SLC12A2: variants seen among roughly 807,000 people sequenced by gnomAD.
The protein encoded by SLC12A2 is solute carrier family 12 member 2.
SLC12A2 carries 67 observed loss-of-function variants against 136.3 expected under a neutral mutation model. The ratio of observed to expected loss-of-function variants is 0.49; its 90% CI spans 0.40 to 0.60. SLC12A2 has a LOEUF of 0.60. Ranked by LOEUF, SLC12A2 falls within the 20% of genes least tolerant of loss-of-function variation. SLC12A2 has a pLI of 0.00. For missense variants in SLC12A2, 1,322 were observed against 1,534.7 expected (o/e 0.86, Z 2.32); for synonymous variants, 619 against 562.9 (o/e 1.10, Z -1.41).
Position 128,084,095 on chromosome 5 carries a change from G to A in SLC12A2, c.141G>A (p.Ala47=), listed in dbSNP as rs959960623. The change falls in exon 1 of 27, where the codon GCG becomes GCA. Residue 47 remains alanine, a synonymous_variant. Transcript: ENST00000262461. This position sits in a 1 kb window ranked among gnomAD's most constrained non-coding sequence, Gnocchi z 5.6. ...TAVPSVPEDA[A]PASRDGGGVR... The stretch of plus-strand genomic sequence containing the variant: ...TGCCCTCGGTGCCGGAGGATGCTGC[G>A]CCCGCGAGCCGGGACGGCGGCGGGG... 1 of 1,314,438 alleles carries A rather than the reference G, an allele frequency of 7.6e-7. No individual in the cohort carries two copies. Among genetic ancestry groups the A allele is most frequent in the Non-Finnish European group, 9.7e-7 (1 of 1,035,868 alleles). 81.4% of individuals were successfully genotyped at this position (1,314,438 alleles called of 1,614,324 possible). A position where few individuals can be genotyped will look rare whatever the true frequency, so the allele number is the denominator to read the frequency against.
intron 4 of SLC12A2, among the ~76,000 whole-genome samples, chr5:128,121,118 A>C (rs1385885744): frequency 1.3e-5 from 2 of 152,146 alleles, no homozygotes; most frequent in Non-Finnish European, 2.9e-5. Flanking sequence ...TTAACAGTAC[A>C]TTTTAGAGAT....
intron 16 of SLC12A2, among the ~76,000 whole-genome samples, chr5:128,158,515 C>G (rs973279319): frequency 2.0e-5 from 3 of 152,148 alleles, no homozygotes; most frequent in Non-Finnish European, 4.4e-5. Flanking sequence ...AGCCATGTTT[C>G]TGGAAAGGAA....
chr5:128,084,685 C>A lies in SLC12A2; in HGVS notation c.731C>A (p.Ala244Glu). 1 of 1,604,730 alleles carries A rather than the reference C, an allele frequency of 6.2e-7. No homozygotes were observed. The highest frequency in any genetic ancestry group is 8.5e-7 in the Non-Finnish European group (1 of 1,174,902). The change falls in exon 1 of 27, where the codon GCG becomes GAG. Residue 244 changes from alanine (A) to glutamate (E), a missense_variant. This residue lies in a region of SLC12A2 where 32 missense variants were observed against 63.6 expected (regional missense o/e 0.50). Transcript: ENST00000262461. The surrounding 1 kb of genome is among the most constrained non-coding windows in gnomAD (Gnocchi z 5.6). ...GAGAAGCTGCTCCGGCCTAGCCTGG[C>A]GGAGCTCCACGACGAGCTGGAAAAG... ...LGEKLLRPSL[A>E]ELHDELEKEP...
chr5:128,110,841 C>T, intron 1 of SLC12A2: 2 of 1,464,104 alleles, frequency 1.4e-6, no homozygotes, highest in African/African-American at 1.4e-5. Context: ...TGGATGATGA[C>T]ATATTCTGTT....
intron 1 of SLC12A2, among the ~76,000 whole-genome samples, chr5:128,103,205 C>T (rs553689221): frequency 1.0e-3 from 156 of 152,214 alleles, no homozygotes; most frequent in African/African-American, 3.4e-3. Context: ...ATATTCTCAC[C>T]GGGATCATAT....
chr5:128,086,617 G>A, intron 1 of SLC12A2, among the ~76,000 whole-genome samples: 1 of 152,120 alleles, frequency 6.6e-6, no homozygotes, highest in Non-Finnish European at 1.5e-5. Context: ...TATGCAACAG[G>A]TACTTTAATT....
At chr5:128,136,782 T>A (rs1762205126) in intron 7 of SLC12A2, among the ~76,000 whole-genome samples, 1 of 152,134 alleles carries the variant, frequency 6.6e-6, no homozygotes, top group Non-Finnish European at 1.5e-5. Flanking sequence ...AACTATACAC[T>A]CTCCCTTGGG....
intron 15 of SLC12A2, among the ~76,000 whole-genome samples, chr5:128,153,607 A>G (rs1762778537): frequency 6.6e-6 from 1 of 152,220 alleles, no homozygotes; most frequent in South Asian, 2.1e-4. Flanking sequence ...AACCATCGGT[A>G]TAAACTTTCT....
chr5:128,117,627 G>T (rs1232090148), intron 4 of SLC12A2, among the ~76,000 whole-genome samples: 1 of 152,106 alleles, frequency 6.6e-6, no homozygotes, highest in East Asian at 1.9e-4. Flanking sequence ...AATTCTAGGA[G>T]ATAACATTGG....
chr5:128,169,419 G>C (rs1561700800), intron 18 of SLC12A2: 1 of 152,026 alleles, frequency 6.6e-6, no homozygotes, highest in African/African-American at 2.4e-5. Context: ...AGTGACATTT[G>C]AAAAGTCTTT....
rs768256710 is a variant in SLC12A2 at position 128,186,558 on chromosome 5, C to G, written c.3566C>G (p.Ala1189Gly). The G allele has an allele frequency of 1.4e-5, 22 of 1,613,116 alleles. No individual in the cohort carries two copies. The highest frequency in any genetic ancestry group is 1.9e-5 in the Non-Finnish European group (22 of 1,179,850). Residue 1189 changes from alanine (A) to glycine (G), a missense_variant, in exon 27 of 27, where the codon GCT becomes GGT. This residue lies in a region of SLC12A2 where 172 missense variants were observed against 227.4 expected (regional missense o/e 0.76). Transcript: ENST00000262461. Reference protein sequence around the residue: ...SSALYMAWLEALSKDLPPILL... With the variant: ...SSALYMAWLEGLSKDLPPILL... ...GCTCTCTACATGGCATGGTTAGAAG[C>G]TCTATCTAAGGACCTACCACCAATC...
chr5:128,084,532 G>T lies in SLC12A2; in HGVS notation c.578G>T (p.Ser193Ile), dbSNP rs1168921896. ...CTGCACTCCGGCGGCGGCGGCGGCA[G>T]TGGGCACCACCAGCACTACTATTAT... ...SSLHSGGGGG[S>I]GHHQHYYYDT... Residue 193 changes from serine (S) to isoleucine (I), a missense_variant, in exon 1 of 27, where the codon AGT (serine) becomes ATT (isoleucine). Physicochemically the swap from Ser to Ile is moderately radical, Grantham distance 142. Around this residue, in one of 8 missense-constraint regions of SLC12A2, gnomAD observed 358 missense variants for 299.7 expected, o/e 1.19. Coordinates refer to ENST00000262461, the MANE Select transcript of SLC12A2 (RefSeq NM_001046.3). The surrounding 1 kb of genome is among the most constrained non-coding windows in gnomAD (Gnocchi z 5.6). 1 of 1,613,682 alleles carries T rather than the reference G, an allele frequency of 6.2e-7. No homozygotes were observed. Among genetic ancestry groups the T allele is most frequent in the African/African-American group, 1.3e-5 (1 of 75,066 alleles).
At chr5:128,119,806 T>A (rs1222244249) in intron 4 of SLC12A2, among the ~76,000 whole-genome samples, 1 of 152,186 alleles carries the variant, frequency 6.6e-6, no homozygotes, top group Non-Finnish European at 1.5e-5. Flanking sequence ...GGGCAAGGAC[T>A]GCATGTCTAA....
In SLC12A2 at chr5:128,142,091, GTTATT is replaced by G; in HGVS notation, c.1773+113_1773+117del. ...CTGTAACATAGAAGGGAGGACAGTT[GTTATT>G]TTTTTTAATTTTTAATTTTTTCTTG... is the stretch of plus-strand genomic sequence containing the variant. On this transcript the variant is annotated intron_variant, in intron 10 of 26. Transcript: ENST00000262461. 5.3e-6 allele frequency: 5 copies of G among 951,858 alleles called. 1 individual carries two copies. The South Asian group carries it at 9.5e-5, about 18-fold the overall frequency. 59.0% of individuals were successfully genotyped at this position (951,858 alleles called of 1,614,324 possible).
chr5:128,119,092 G>C (rs754488086), intron 4 of SLC12A2, among the ~76,000 whole-genome samples: 8 of 146,530 alleles, frequency 5.5e-5, no homozygotes, highest in Non-Finnish European at 8.9e-5. Flanking sequence ...CCCTGAGTTG[G>C]ATTTCCTACA....
At chr5:128,137,038 T>C (rs1456312843) in intron 7 of SLC12A2, among the ~76,000 whole-genome samples, 2 of 152,182 alleles carry the variant, frequency 1.3e-5, no homozygotes, top group African/African-American at 4.8e-5. Flanking sequence ...CTCCCATCTC[T>C]AGATTGAACC....
intron 19 of SLC12A2, 174 bp downstream of exon 19, chr5:128,171,920 C>T (rs934937459): frequency 2.4e-5 from 11 of 467,824 alleles, no homozygotes; most frequent in East Asian, 7.1e-5. Flanking sequence ...TGTGTTTTCT[C>T]GTTGTACCAA....
At chr5:128,181,492 C>T (rs181181361) in intron 23 of SLC12A2, among the ~76,000 whole-genome samples, 2 of 152,200 alleles carry the variant, frequency 1.3e-5, no homozygotes, top group Admixed American at 6.5e-5. Context: ...GTACAGAGTA[C>T]ATAATATGCA....
chr5:128,133,410 C>T (rs1762090544), intron 5 of SLC12A2, among the ~76,000 whole-genome samples: 1 of 151,950 alleles, frequency 6.6e-6, no homozygotes, highest in African/African-American at 2.4e-5. Flanking sequence ...TTGTAATTGA[C>T]TTTTATGAAA....
Sources: allele counts gnomAD v4.1 joint callset (sites outside exome capture counted in the v4.1 genomes callset), GRCh38; gene constraint gnomAD v4.1.1; regional missense constraint gnomAD v4.1.1; non-coding constraint Gnocchi (gnomAD v3.1); transcripts MANE v1.5; gene names NCBI Gene and HGNC (gene_info 2026-07-23, HGNC 2026-07-21).